Variants in HSD17B12 observed in about 807,000 individuals in gnomAD.
HSD17B12 encodes the protein hydroxysteroid 17-beta dehydrogenase 12.
In HSD17B12, 32 loss-of-function variants were observed where a neutral mutation model predicts 39.3. The ratio of observed to expected loss-of-function variants is 0.81; its 90% CI spans 0.61 to 1.09. The LOEUF (loss-of-function observed/expected upper bound fraction) is 1.09, where lower values mean the gene tolerates loss of function less well. Ranked by LOEUF, HSD17B12 falls within the 50% of genes least tolerant of loss-of-function variation. HSD17B12 has a pLI of 0.00. For synonymous variants in HSD17B12, 150 were observed against 146.7 expected, an observed-to-expected ratio of 1.02 and a Z score of -0.16; for missense variants, 342 against 382.9, an observed-to-expected ratio of 0.89 and a Z score of 0.89.
At chr11:43,685,707 G>T (rs760528755) in intron 1 of HSD17B12, among the ~76,000 whole-genome samples, 12 of 152,214 alleles carry the variant, frequency 7.9e-5, no homozygotes, top group Non-Finnish European at 1.6e-4. Context: ...TGCAACATTC[G>T]TACACTGTAT....
intron 4 of HSD17B12, among the ~76,000 whole-genome samples, chr11:43,808,741 T>A (rs1419259934): frequency 6.6e-6 from 1 of 152,252 alleles, no homozygotes; most frequent in Non-Finnish European, 1.5e-5. Flanking sequence ...ATTTTTCAAT[T>A]TCTGATTAAA....
chr11:43,733,364 C>G (rs1950286808), intron 1 of HSD17B12, among the ~76,000 whole-genome samples: 1 of 152,138 alleles, frequency 6.6e-6, no homozygotes, highest in Non-Finnish European at 1.5e-5. Context: ...CTACCACCCT[C>G]CTAGGGTTGT....
At chr11:43,593,165 G>C in the HSD17B12 span, among the ~76,000 whole-genome samples, 1 of 152,106 alleles carries the variant, frequency 6.6e-6, no homozygotes, top group Non-Finnish European at 1.5e-5. Context: ...AAAGACCCTA[G>C]GCCATCTTTC....
At chr11:43,592,256 T>C in the HSD17B12 span, among the ~76,000 whole-genome samples, 1 of 152,080 alleles carries the variant, frequency 6.6e-6, no homozygotes, top group Admixed American at 6.6e-5. Context: ...ATAGTGACTG[T>C]TATTTATTTA....
chr11:43,654,381 C>A, the HSD17B12 span, among the ~76,000 whole-genome samples: 4 of 152,112 alleles, frequency 2.6e-5, no homozygotes, highest in African/African-American at 9.7e-5. Flanking sequence ...TTTTGCTGTG[C>A]AGAAGCTCTT....
intron 6 of HSD17B12, among the ~76,000 whole-genome samples, chr11:43,820,008 A>G (rs1951165652): frequency 6.6e-6 from 1 of 152,178 alleles, no homozygotes; most frequent in South Asian, 2.1e-4. Flanking sequence ...GGCTTAGCCA[A>G]TTAGTTTTTG....
At chr11:43,741,425 C>G (rs983259770) in intron 1 of HSD17B12, among the ~76,000 whole-genome samples, 1 of 151,938 alleles carries the variant, frequency 6.6e-6, no homozygotes, top group African/African-American at 2.4e-5. Context: ...CAGTTTACAC[C>G]ATTTTTCTAT....
At chr11:43,772,345 A>G (rs1022869009) in intron 3 of HSD17B12, among the ~76,000 whole-genome samples, 29 of 152,218 alleles carry the variant, frequency 1.9e-4, no homozygotes, top group African/African-American at 6.8e-4. Context: ...TGCTCGTTTA[A>G]GTTGGTGTGT....
intron 3 of HSD17B12, among the ~76,000 whole-genome samples, chr11:43,788,937 C>T (rs1246296755): frequency 2.0e-5 from 3 of 152,166 alleles, no homozygotes; most frequent in African/African-American, 7.2e-5. Context: ...TTATTTTACA[C>T]TGGGTCCCAC....
the HSD17B12 span, among the ~76,000 whole-genome samples, chr11:43,598,133 A>G: frequency 6.6e-6 from 1 of 152,004 alleles, no homozygotes; most frequent in Non-Finnish European, 1.5e-5. Flanking sequence ...AGGGTGGAAA[A>G]GGCTCATGGC....
At chr11:43,707,238 G>A (rs1694711829) in intron 1 of HSD17B12, among the ~76,000 whole-genome samples, 1 of 152,196 alleles carries the variant, frequency 6.6e-6, no homozygotes, top group South Asian at 2.1e-4. Flanking sequence ...ATTTTAATGA[G>A]GAAAGATGGA....
chr11:43,800,773 A>G (rs1297646434), intron 4 of HSD17B12, among the ~76,000 whole-genome samples: 2 of 152,160 alleles, frequency 1.3e-5, no homozygotes, highest in African/African-American at 2.4e-5. Flanking sequence ...TGAGTTAACA[A>G]TTTGTGCCCC....
At chr11:43,743,594 G>C (rs1463654617) in intron 1 of HSD17B12, among the ~76,000 whole-genome samples, 24 of 152,224 alleles carry the variant, frequency 1.6e-4, no homozygotes, top group Non-Finnish European at 1.5e-5. Context: ...ACTGAGAACA[G>C]AGGATGAGTA....
intron 3 of HSD17B12, among the ~76,000 whole-genome samples, chr11:43,795,037 T>C (rs930634557): frequency 8.6e-5 from 13 of 151,704 alleles, no homozygotes; most frequent in African/African-American, 2.7e-4. Context: ...AAAAAACAGG[T>C]TGGGGAGGTG....
intron 4 of HSD17B12, among the ~76,000 whole-genome samples, chr11:43,800,342 T>C (rs1216472344): frequency 6.6e-6 from 1 of 152,244 alleles, no homozygotes; most frequent in Non-Finnish European, 1.5e-5. Context: ...TCTCTTGAGC[T>C]TGTGCTCTTA....
chr11:43,700,144 T>A (rs1017331378), intron 1 of HSD17B12, among the ~76,000 whole-genome samples: 4 of 152,210 alleles, frequency 2.6e-5, no homozygotes, highest in African/African-American at 9.6e-5. Flanking sequence ...GGACTTCTAG[T>A]CTACCGTGTA....
At chr11:43,752,379 T>C (rs1237202457) in intron 2 of HSD17B12, among the ~76,000 whole-genome samples, 2 of 152,178 alleles carry the variant, frequency 1.3e-5, no homozygotes, top group African/African-American at 4.8e-5. Context: ...GATTCATTGA[T>C]AGTTTTTGCC....
chr11:43,840,120 A>C (rs1819038032), intron 9 of HSD17B12, 56 bp downstream of exon 9: 1 of 1,418,422 alleles, frequency 7.1e-7, no homozygotes, highest in African/African-American at 1.4e-5. Flanking sequence ...TTCCAGAGCA[A>C]CTGTTGCTGT....
chr11:43,588,557 T>C, the HSD17B12 span, among the ~76,000 whole-genome samples: 1 of 151,876 alleles, frequency 6.6e-6, no homozygotes, highest in East Asian at 1.9e-4. Context: ...AGATTATGCA[T>C]GTGTAAAGAG....
Sources: allele counts gnomAD v4.1 joint callset (sites outside exome capture counted in the v4.1 genomes callset), GRCh38; gene constraint gnomAD v4.1.1; transcripts MANE v1.5; gene names NCBI Gene and HGNC (gene_info 2026-07-23, HGNC 2026-07-21).